The following ITGB5 variants were observed in gnomAD, a reference collection of about 807,000 sequenced individuals.
ITGB5 encodes integrin subunit beta 5.
ITGB5 carries 38 observed loss-of-function variants against 84.8 expected under a neutral mutation model. That is an observed-to-expected ratio of 0.45 (90% CI 0.35 to 0.59). The LOEUF (loss-of-function observed/expected upper bound fraction) is 0.59. ITGB5 is among the 20% of genes least tolerant of loss of function. ITGB5 has a pLI of 0.01. For synonymous variants in ITGB5, 393 were observed against 414.4 expected, an observed-to-expected ratio of 0.95 and a Z score of 0.63; for missense variants, 905 against 1,034.5, an observed-to-expected ratio of 0.87 and a Z score of 1.72.
In ITGB5 at chr3:124,766,225, C is replaced by G. The variant is rs756336605; in HGVS notation, c.2137+1G>C. ...GCCGAGCCCTTGCAGCCCTCACCTACCTGGCTCCCTGAGGACGGTCAGGTT... is the reference window on the plus strand; with the variant it reads ...GCCGAGCCCTTGCAGCCCTCACCTAGCTGGCTCCCTGAGGACGGTCAGGTT... On this transcript the variant is annotated splice_donor_variant, in intron 13 of 14. Transcript: ENST00000296181. LOFTEE classifies it high-confidence loss of function. 6.2e-7 allele frequency: 1 copy of G among 1,613,258 alleles called. No individual in the cohort carries two copies. Among genetic ancestry groups the G allele is most frequent in the Non-Finnish European group, 8.5e-7 (1 of 1,179,712 alleles).
intron 9 of ITGB5, among the ~76,000 whole-genome samples, chr3:124,808,479 G>A (rs1462121798): frequency 1.3e-5 from 2 of 152,168 alleles, no homozygotes; most frequent in Non-Finnish European, 2.9e-5. Flanking sequence ...CCTTGGTTTA[G>A]CGCAGAGGCA....
chr3:124,780,456 A>AGG (rs2063987468), intron 10 of ITGB5, among the ~76,000 whole-genome samples: 1 of 152,212 alleles, frequency 6.6e-6, no homozygotes, highest in Non-Finnish European at 1.5e-5. Flanking sequence ...TAGCTGGCTC[A>AGG]AAAATAGTTT....
In ITGB5 at chr3:124,848,491, C is replaced by G; in HGVS notation, c.429G>C (p.Leu143=). The change falls in exon 4 of 15, where the codon CTG becomes CTC. Residue 143 remains leucine, a synonymous_variant. Coordinates refer to ENST00000296181, the MANE Select transcript of ITGB5 (RefSeq NM_002213.5). ...VEDYPVDLYY[L]MDLSLSMKDD... is the part of the protein sequence containing the mutation. Reference sequence around the variant, plus strand: ...CCTTCATGGACAGGGAGAGGTCCATCAGGTAGTACAGGTCCACAGGATAGT... The same window carrying G: ...CCTTCATGGACAGGGAGAGGTCCATGAGGTAGTACAGGTCCACAGGATAGT... 6.2e-7 allele frequency: 1 copy of G among 1,614,134 alleles called. No homozygotes were observed. The highest frequency in any genetic ancestry group is 8.5e-7 in the Non-Finnish European group (1 of 1,179,998).
intron 10 of ITGB5, among the ~76,000 whole-genome samples, chr3:124,789,332 GCTTTAACTAGACAGGGTTATCAGAACTGC>G (rs1166958427): frequency 4.4e-4 from 67 of 151,570 alleles, no homozygotes; most frequent in African/African-American, 1.5e-3. Flanking sequence ...CTCAGGAGTG[GCTTTAACTAGACAGGGTTATCAGAACTGC>G]CTTTAACTAG....
intron 10 of ITGB5, among the ~76,000 whole-genome samples, chr3:124,788,937 T>C (rs879427369): frequency 6.6e-6 from 1 of 152,188 alleles, no homozygotes; most frequent in Non-Finnish European, 1.5e-5. Flanking sequence ...CTCAGACCTG[T>C]AATCCTAGCA....
At chr3:124,769,398 T>A (rs1413436182) in intron 11 of ITGB5, 1 of 358,854 alleles carries the variant, frequency 2.8e-6, no homozygotes, top group East Asian at 5.7e-5. Flanking sequence ...TGCACTCTGG[T>A]CCATCTAATG....
chr3:124,895,100 C>T (rs1935075967), intron 1 of ITGB5, among the ~76,000 whole-genome samples: 1 of 152,148 alleles, frequency 6.6e-6, no homozygotes, highest in Non-Finnish European at 1.5e-5. Flanking sequence ...AGTGATAAGA[C>T]AGAAGGCCCA....
chr3:124,796,913 C>T, intron 9 of ITGB5, 96 bp from the exon 10 acceptor site: 3 of 1,174,470 alleles, frequency 2.6e-6, no homozygotes, highest in Non-Finnish European at 3.6e-6. Context: ...CAGCTGCGAA[C>T]TCCAGCCCTC....
chr3:124,766,111 A>G (rs923689514), intron 13 of ITGB5, 115 bp downstream of exon 13: 23 of 1,019,034 alleles, frequency 2.3e-5, no homozygotes, highest in Non-Finnish European at 3.2e-5. Flanking sequence ...CTCTCCCTGC[A>G]GTTTCAAAAG....
chr3:124,808,093 G>A lies in ITGB5; in HGVS notation c.1263+929C>T, dbSNP rs561399482. Among the ~76,000 whole-genome samples, 25 of 151,634 alleles carry A rather than the reference G, an allele frequency of 1.6e-4. No homozygotes were observed. The East Asian group carries it at 4.1e-3, about 25-fold the overall frequency. Reference sequence around the variant, plus strand: ...CGAGGAGACCACTGCTACCAGCCACGAGACTGTCCCTGTCTCCGCAAGCTC... The same window carrying A: ...CGAGGAGACCACTGCTACCAGCCACAAGACTGTCCCTGTCTCCGCAAGCTC... On this transcript the variant is annotated intron_variant, in intron 9 of 14. Coordinates refer to ENST00000296181, the MANE Select transcript of ITGB5 (RefSeq NM_002213.5).
At position 124,885,654 on chromosome 3, in the gene ITGB5, C is replaced by T. The variant is rs1566416; in HGVS notation, c.70+1277G>A. ...ATGCAGGCTACATCTTCCTGCTCCT[C>T]GCTTTCCCTAGGGACCCATGAAAAT... On this transcript the variant is annotated intron_variant, in intron 1 of 14. Coordinates refer to ENST00000296181, the MANE Select transcript of ITGB5 (RefSeq NM_002213.5). 4.5e-4 allele frequency among the ~76,000 whole-genome samples: 68 copies of T among 152,350 alleles called. No individual in the cohort carries two copies. The East Asian group carries it at 0.012, about 27-fold the overall frequency.
At chr3:124,870,809 A>G (rs977084207) in intron 2 of ITGB5, among the ~76,000 whole-genome samples, 3 of 151,978 alleles carry the variant, frequency 2.0e-5, no homozygotes, top group Non-Finnish European at 2.9e-5. Flanking sequence ...AGACAGATGG[A>G]TGGATGGATA....
chr3:124,803,795 A>G (rs1035964254), intron 9 of ITGB5, among the ~76,000 whole-genome samples: 1 of 152,204 alleles, frequency 6.6e-6, no homozygotes, highest in Non-Finnish European at 1.5e-5. Context: ...GGTTTGGTAG[A>G]ATAGAATCGT....
Position 124,809,910 on chromosome 3 carries a change from G to A in ITGB5, c.1129-754C>T, listed in dbSNP as rs58480384. On this transcript the variant is annotated intron_variant, in intron 8 of 14. Transcript: ENST00000296181. ...CTAGGGCTCCCCAACCCTGCTGGTG[G>A]GAGTGAAAATTCGTGCAATCCTATA... Among the ~76,000 whole-genome samples, 440 of 152,260 alleles carry A rather than the reference G, an allele frequency of 2.9e-3. 2 individuals are homozygous for A. Among genetic ancestry groups the A allele is most frequent in the African/African-American group, 0.01 (426 of 41,530 alleles).
chr3:124,841,347 T>G, intron 5 of ITGB5, 36 bp downstream of exon 5: 1 of 1,599,496 alleles, frequency 6.3e-7, no homozygotes, highest in Non-Finnish European at 8.5e-7. Flanking sequence ...TACCTTGACC[T>G]CCCCATGCAG....
At chr3:124,894,925 A>C (rs758985243) in intron 1 of ITGB5, among the ~76,000 whole-genome samples, 38 of 152,182 alleles carry the variant, frequency 2.5e-4, no homozygotes, top group Non-Finnish European at 2.6e-4. Flanking sequence ...GAGCTTAAAA[A>C]AAAATCCCCC....
At chr3:124,842,746 C>A (rs116764374) in intron 4 of ITGB5, among the ~76,000 whole-genome samples, 4,518 of 152,310 alleles carry the variant, frequency 0.03, 103 homozygotes, top group South Asian at 0.045. Flanking sequence ...GGAAAGAAAA[C>A]AGCCTTAGCA....
chr3:124,826,823 T>G (rs1409166301), intron 5 of ITGB5, among the ~76,000 whole-genome samples: 1 of 152,230 alleles, frequency 6.6e-6, no homozygotes, highest in African/African-American at 2.4e-5. Context: ...AGCATAAGAA[T>G]AATAATTCTG....
At chr3:124,886,807 G>T in intron 1 of ITGB5, 124 bp downstream of exon 1, 1 of 440,104 alleles carries the variant, frequency 2.3e-6, no homozygotes, top group Non-Finnish European at 3.5e-6. Context: ...TGGCCCACCA[G>T]GGAGTGCCCC....
Sources: gnomAD v4.1 joint callset for allele counts (sites outside exome capture counted in the v4.1 genomes callset) on GRCh38, gnomAD v4.1.1 for gene constraint, MANE v1.5 for transcripts, NCBI Gene and HGNC (gene_info 2026-07-23, HGNC 2026-07-21) for gene names.